RAD51: variants seen among roughly 807,000 people sequenced by gnomAD.
The protein encoded by RAD51 is DNA repair protein RAD51 homolog 1.
A neutral mutation model predicts 41.5 loss-of-function variants in RAD51; 14 were observed. The ratio of observed to expected loss-of-function variants is 0.34; its 90% CI spans 0.22 to 0.53. The LOEUF (loss-of-function observed/expected upper bound fraction) is 0.53, where lower values mean the gene tolerates loss of function less well. Ranked by LOEUF, RAD51 falls within the 20% of genes least tolerant of loss-of-function variation. RAD51 has a pLI of 0.95. For missense variants in RAD51, 234 were observed against 422.0 expected, an observed-to-expected ratio of 0.55 and a Z score of 3.90; for synonymous variants, 136 against 148.6, an observed-to-expected ratio of 0.92 and a Z score of 0.62.
At chr15:40,708,997 TAA>T in intron 4 of RAD51, 26 bp from the exon 5 acceptor site, 1 of 1,551,786 alleles carries the variant, frequency 6.4e-7, no homozygotes, top group African/African-American at 1.4e-5. Flanking sequence ...TGTATTATGC[TAA>T]GAGTTATTTC....
intron 6 of RAD51, among the ~76,000 whole-genome samples, chr15:40,721,036 G>A (rs1455901085): frequency 1.3e-5 from 2 of 152,190 alleles, no homozygotes; most frequent in Non-Finnish European, 2.9e-5. Context: ...ACAAAAATTA[G>A]CCAGGCATGG....
chr15:40,706,434 T>C, intron 4 of RAD51, 140 bp downstream of exon 4: 2 of 777,130 alleles, frequency 2.6e-6, no homozygotes, highest in African/African-American at 1.7e-5. Context: ...CAGTGGCTTA[T>C]GCCTGTAATC....
At position 40,698,802 on chromosome 15, in the gene RAD51, T is replaced by A. The variant is rs1159091605; in HGVS notation, c.44T>A (p.Val15Glu). Residue 15 changes from valine (V) to glutamate (E), a missense_variant, in exon 2 of 10, where the codon GTG becomes GAG. This residue lies in a region of RAD51 where 100 missense variants were observed against 135.5 expected (regional missense o/e 0.74). Coordinates refer to ENST00000267868, the MANE Select transcript of RAD51 (RefSeq NM_002875.5). ...MQLEANADTS[V>E]EEESFGPQPI... ...CTTGAAGCAAATGCAGATACTTCAG[T>A]GGAAGAAGAAAGCTTTGGCCCACAA... The A allele has an allele frequency of 6.2e-7, 1 of 1,614,074 alleles. No homozygotes were observed. The highest frequency in any genetic ancestry group is 8.5e-7 in the Non-Finnish European group (1 of 1,180,032).
intron 1 of RAD51, among the ~76,000 whole-genome samples, chr15:40,698,436 T>A (rs1301436431): frequency 2.0e-5 from 3 of 152,186 alleles, no homozygotes; most frequent in African/African-American, 7.2e-5. Context: ...TCTGCCCGCC[T>A]CGGCCTCCCA....
At chr15:40,701,435 T>A (rs1012179010) in intron 3 of RAD51, among the ~76,000 whole-genome samples, 3 of 145,712 alleles carry the variant, frequency 2.1e-5, no homozygotes, top group Non-Finnish European at 3.0e-5. Flanking sequence ...AGTGCAGTGG[T>A]GCCATCTCAG....
At chr15:40,701,390 T>C (rs1458618475) in intron 3 of RAD51, among the ~76,000 whole-genome samples, 189 bp downstream of exon 3, 1 of 149,462 alleles carries the variant, frequency 6.7e-6, no homozygotes. Context: ...TTTTTTTTTT[T>C]TGGAGACGGG....
chr15:40,703,082 C>A (rs1208385479), intron 3 of RAD51, among the ~76,000 whole-genome samples: 1 of 152,150 alleles, frequency 6.6e-6, no homozygotes, highest in African/African-American at 2.4e-5. Context: ...GTTAGTACTT[C>A]TCATATTACC....
In RAD51 at chr15:40,731,050, G is replaced by A. The variant is rs541877704; in HGVS notation, c.897-5G>A. On this transcript the variant is annotated splice_region_variant and splice_polypyrimidine_tract_variant and intron_variant, in intron 9 of 9. Coordinates refer to ENST00000267868, the MANE Select transcript of RAD51 (RefSeq NM_002875.5). The stretch of plus-strand genomic sequence containing the variant: ...TTGGTGCTTTGGTCTGTGTCTTTGG[G>A]TCAGATTGTATCTGAGGAAAGGAAG... The A allele has an allele frequency of 6.2e-7, 1 of 1,614,088 alleles. No individual in the cohort carries two copies. The highest frequency in any genetic ancestry group is 1.1e-5 in the South Asian group (1 of 91,082).
At position 40,728,587 on chromosome 15, in the gene RAD51, G is replaced by T. The variant is rs188624974; in HGVS notation, c.531-124G>T. 504 of 833,924 alleles carry T rather than the reference G, an allele frequency of 6.0e-4. 2 individuals carry two copies. In the African/African-American group the frequency reaches 7.4e-3, roughly 12 times the overall value. The allele number at this position is 833,924 out of a possible 1,614,324, so 51.7% of individuals were successfully genotyped here. On this transcript the variant is annotated intron_variant, in intron 6 of 9. Transcript: ENST00000267868. The stretch of plus-strand genomic sequence containing the variant: ...AATAGAAAGGGAAATACATTCTTTG[G>T]TCCTGAAACTACTGTCAGTACCACT...
chr15:40,730,315 G>A (rs1364827609), intron 9 of RAD51, among the ~76,000 whole-genome samples: 2 of 151,952 alleles, frequency 1.3e-5, no homozygotes, highest in Admixed American at 1.3e-4. Context: ...TTCGACACTA[G>A]TAAGGGCAAC....
intron 3 of RAD51, among the ~76,000 whole-genome samples, chr15:40,704,366 T>C (rs1895194410): frequency 6.8e-6 from 1 of 147,936 alleles, no homozygotes; most frequent in Non-Finnish European, 1.5e-5. Context: ...GCCAGGCCTT[T>C]TTTTTTTTTT....
chr15:40,725,572 T>A (rs1896539381), intron 6 of RAD51, among the ~76,000 whole-genome samples: 1 of 152,178 alleles, frequency 6.6e-6, no homozygotes, highest in Non-Finnish European at 1.5e-5. Flanking sequence ...TCCCAGAACA[T>A]GGTCCCCAGA....
At chr15:40,714,640 T>C (rs1410111401) in intron 5 of RAD51, among the ~76,000 whole-genome samples, 1 of 152,214 alleles carries the variant, frequency 6.6e-6, no homozygotes, top group Non-Finnish European at 1.5e-5. Context: ...GAATGCTAAT[T>C]AATTAATAAT....
intron 1 of RAD51, among the ~76,000 whole-genome samples, chr15:40,696,458 AGCTATTCAGGAGG>A (rs1894640335): frequency 6.6e-6 from 1 of 152,080 alleles, no homozygotes; most frequent in Admixed American, 6.5e-5. Flanking sequence ...CTGTAGGCCC[AGCTATTCAGGAGG>A]CTGAGAAGGG....
At chr15:40,701,337 T>A in intron 3 of RAD51, 136 bp downstream of exon 3, 1 of 941,620 alleles carries the variant, frequency 1.1e-6, no homozygotes, top group Non-Finnish European at 1.6e-6. Flanking sequence ...GTTACCTGTT[T>A]CTTTTCTTCT....
chr15:40,730,552 C>T (rs1174562373), intron 9 of RAD51, among the ~76,000 whole-genome samples: 28 of 38,154 alleles, frequency 7.3e-4, no homozygotes, highest in East Asian at 2.7e-3. Context: ...GATGGAGTCT[C>T]GCTGTGTCAC....
intron 3 of RAD51, among the ~76,000 whole-genome samples, chr15:40,705,718 C>T (rs1477715933): frequency 7.9e-5 from 12 of 152,156 alleles, no homozygotes; most frequent in African/African-American, 2.4e-4. Flanking sequence ...CTTTCTCCTG[C>T]CTCAGCCTAC....
rs1044513961 is a variant in RAD51, at chr15:40,731,858, C to A, written c.*680C>A. 3 of 211,786 alleles carry A rather than the reference C, an allele frequency of 1.4e-5. No homozygotes were observed. In the Admixed American group the frequency reaches 1.8e-4, roughly 12 times the overall value. The allele number at this position is 211,786 out of a possible 1,614,324, so 13.1% of individuals were successfully genotyped here. A position where few individuals can be genotyped will look rare whatever the true frequency, so the allele number is the denominator to read the frequency against. On this transcript the variant is annotated 3_prime_UTR_variant, in exon 10 of 10. Coordinates refer to ENST00000267868, the MANE Select transcript of RAD51 (RefSeq NM_002875.5). ...CTTTGGGAGGCCGAGGCAGGTGGAT[C>A]GCTTGAGCCCAGGAGTTTTAAGTCC...
chr15:40,722,141 G>A (rs1896306659), intron 6 of RAD51, among the ~76,000 whole-genome samples: 2 of 152,184 alleles, frequency 1.3e-5, no homozygotes, highest in African/African-American at 4.8e-5. Context: ...GCCAGGCGTG[G>A]TGGCTTATGC....
Sources: allele counts gnomAD v4.1 joint callset (sites outside exome capture counted in the v4.1 genomes callset), GRCh38; gene constraint gnomAD v4.1.1; regional missense constraint gnomAD v4.1.1; transcripts MANE v1.5; gene names NCBI Gene and HGNC (gene_info 2026-07-23, HGNC 2026-07-21).